Variants in CAST observed in about 807,000 individuals in gnomAD.
CAST encodes MIR583 host.
In CAST, 76 loss-of-function variants were observed where a neutral mutation model predicts 119.6. That is an observed-to-expected ratio of 0.64 (90% CI 0.53 to 0.77). CAST has a LOEUF of 0.77. CAST is among the 30% of genes least tolerant of loss of function. The pLI is 0.00. For synonymous variants in CAST, 319 were observed against 331.6 expected (o/e 0.96, Z 0.41); for missense variants, 953 against 946.5 (o/e 1.01, Z -0.09).
At chr5:96,364,890 T>C in the CAST span, among the ~76,000 whole-genome samples, 1 of 152,214 alleles carries the variant, frequency 6.6e-6, no homozygotes, top group Non-Finnish European at 1.5e-5. Flanking sequence ...TGCTCTTGCT[T>C]CTCTAGTTCT....
At chr5:96,461,047 C>T in the CAST span, among the ~76,000 whole-genome samples, 64,768 of 151,898 alleles carry the variant, frequency 0.43, 13,975 homozygotes, top group East Asian at 0.51. Context: ...CTCCAGCTTC[C>T]GGCAATACTA....
the CAST span, among the ~76,000 whole-genome samples, chr5:96,065,188 C>CT: frequency 3.6e-3 from 521 of 146,710 alleles, 3 homozygotes; most frequent in Non-Finnish European, 5.9e-3. Context: ...AAGTCTTTGG[C>CT]TTTTTTTTTT....
chr5:96,157,252 GC>G, the CAST span, among the ~76,000 whole-genome samples: 1 of 152,190 alleles, frequency 6.6e-6, no homozygotes, highest in East Asian at 1.9e-4. Flanking sequence ...TCACTAGCAA[GC>G]CAGTCAACAT....
At chr5:96,536,368 A>G (rs1275059787) in intron 1 of CAST, among the ~76,000 whole-genome samples, 1 of 152,180 alleles carries the variant, frequency 6.6e-6, no homozygotes, top group East Asian at 1.9e-4. Context: ...TCCAAAAGAA[A>G]ATAAAAGGAG....
the CAST span, chr5:96,392,868 A>G: frequency 1.1e-6 from 1 of 899,504 alleles, no homozygotes; most frequent in Non-Finnish European, 1.8e-6. Context: ...CAGTTTAGGG[A>G]GAAAAAGAAA....
chr5:96,459,982 C>T, the CAST span, among the ~76,000 whole-genome samples: 2 of 152,106 alleles, frequency 1.3e-5, no homozygotes, highest in Non-Finnish European at 1.5e-5. Flanking sequence ...CAGTGAACAG[C>T]TTTGGTCTTT....
chr5:96,460,150 T>C, the CAST span, among the ~76,000 whole-genome samples: 4 of 152,146 alleles, frequency 2.6e-5, no homozygotes, highest in Non-Finnish European at 5.9e-5. Flanking sequence ...GATGATCCTC[T>C]TCAAGTGGTT....
At chr5:96,644,701 G>A (rs996939021) in intron 1 of CAST, among the ~76,000 whole-genome samples, 1 of 152,150 alleles carries the variant, frequency 6.6e-6, no homozygotes, top group African/African-American at 2.4e-5. Flanking sequence ...CAAGCCAGGC[G>A]CCGTGGCTCA....
chr5:96,515,539 A>G, the CAST span, among the ~76,000 whole-genome samples: 1 of 152,076 alleles, frequency 6.6e-6, no homozygotes, highest in African/African-American at 2.4e-5. Context: ...TTTCTGTGAG[A>G]GGAAAAGCAA....
chr5:95,996,473 G>T, the CAST span, among the ~76,000 whole-genome samples: 1 of 151,994 alleles, frequency 6.6e-6, no homozygotes, highest in Non-Finnish European at 1.5e-5. Flanking sequence ...TGGCTTCTTT[G>T]GATACTTTTA....
At chr5:96,257,074 A>T in the CAST span, among the ~76,000 whole-genome samples, 1 of 152,226 alleles carries the variant, frequency 6.6e-6, no homozygotes. Context: ...CAGCATCTGC[A>T]GTGCTGCTGG....
the CAST span, among the ~76,000 whole-genome samples, chr5:96,121,053 G>T: frequency 6.6e-6 from 1 of 151,926 alleles, no homozygotes; most frequent in African/African-American, 2.4e-5. Context: ...CCATTTCCCA[G>T]CTTATTTTAA....
the CAST span, among the ~76,000 whole-genome samples, chr5:96,475,770 G>C: frequency 6.6e-6 from 1 of 152,212 alleles, no homozygotes; most frequent in African/African-American, 2.4e-5. Flanking sequence ...CTACAAAAGA[G>C]ACTACAAAAG....
chr5:96,725,349 C>T (rs969922867), intron 4 of CAST, among the ~76,000 whole-genome samples: 1 of 152,166 alleles, frequency 6.6e-6, no homozygotes, highest in African/African-American at 2.4e-5. Flanking sequence ...TTGGACAATT[C>T]CTGTCCTAAG....
chr5:96,321,832 G>A, the CAST span, among the ~76,000 whole-genome samples: 4 of 152,134 alleles, frequency 2.6e-5, no homozygotes, highest in African/African-American at 7.2e-5. Flanking sequence ...TATTTATCAT[G>A]GCTGCTCTTC....
At chr5:96,137,060 A>C in the CAST span, among the ~76,000 whole-genome samples, 1 of 152,080 alleles carries the variant, frequency 6.6e-6, no homozygotes, top group Non-Finnish European at 1.5e-5. Flanking sequence ...TATATTTTTA[A>C]ATTTTCATAC....
At chr5:96,247,627 T>C in the CAST span, 15 of 152,366 alleles carry the variant, frequency 9.8e-5, no homozygotes, top group East Asian at 2.9e-3. Flanking sequence ...TCAGCAATAC[T>C]GGGTCCTGAG....
intron 1 of CAST, among the ~76,000 whole-genome samples, chr5:96,612,639 A>C (rs1275571506): frequency 6.6e-6 from 1 of 152,200 alleles, no homozygotes; most frequent in Non-Finnish European, 1.5e-5. Context: ...AAAGAAATAA[A>C]TACGTTTTAA....
At chr5:96,040,411 T>C in the CAST span, among the ~76,000 whole-genome samples, 1 of 152,202 alleles carries the variant, frequency 6.6e-6, no homozygotes, top group South Asian at 2.1e-4. Context: ...AATACTATGT[T>C]GAATAGGAGT....
Sources: allele counts gnomAD v4.1 joint callset (sites outside exome capture counted in the v4.1 genomes callset), GRCh38; gene constraint gnomAD v4.1.1; transcripts MANE v1.5; gene names NCBI Gene and HGNC (gene_info 2026-07-23, HGNC 2026-07-21).